Variants in TBC1D32 observed in about 807,000 individuals in gnomAD.
TBC1D32 encodes TBC1 domain family member 32.
Under a neutral mutation model 170.3 loss-of-function variants are expected in TBC1D32, and 151 were observed. That is an observed-to-expected ratio of 0.89 (90% CI 0.78 to 1.01). The LOEUF (loss-of-function observed/expected upper bound fraction) is 1.01, where lower values mean the gene tolerates loss of function less well. Among genes scored for constraint, TBC1D32 ranks in the 50% least tolerant of loss-of-function variants. TBC1D32 has a pLI of 0.00. For synonymous variants in TBC1D32, 498 were observed against 488.0 expected, an observed-to-expected ratio of 1.02 and a Z score of -0.27; for missense variants, 1,464 against 1,457.1, an observed-to-expected ratio of 1.00 and a Z score of -0.08.
Position 121,102,676 on chromosome 6 carries a change from T to C in TBC1D32, c.3465+3347A>G, listed in dbSNP as rs186684250. ...GGCAATACCATTCAGGACATAGGCA[T>C]GGGCAAGGACTTCATGACTAAGACA... is the stretch of plus-strand genomic sequence containing the variant. On this transcript the variant is annotated intron_variant, in intron 30 of 31. Coordinates refer to ENST00000398212, the MANE Select transcript of TBC1D32 (RefSeq NM_152730.6). Among the ~76,000 whole-genome samples, 231 of 152,208 alleles carry C rather than the reference T, an allele frequency of 1.5e-3. 1 individual carries two copies. The highest frequency in any genetic ancestry group is 5.4e-3 in the African/African-American group (224 of 41,532).
intron 31 of TBC1D32, among the ~76,000 whole-genome samples, chr6:121,089,832 A>G (rs1460381498): frequency 1.3e-5 from 2 of 152,176 alleles, no homozygotes; most frequent in East Asian, 1.9e-4. Flanking sequence ...ACCTAGAGAA[A>G]GCCTAGCAAA....
At chr6:121,313,715 G>A (rs1225266096) in intron 3 of TBC1D32, among the ~76,000 whole-genome samples, 4 of 152,206 alleles carry the variant, frequency 2.6e-5, no homozygotes, top group African/African-American at 9.6e-5. Context: ...ATCTTATCAA[G>A]TGAGGGTAGC....
chr6:121,290,559 G>A (rs373508614), intron 12 of TBC1D32, among the ~76,000 whole-genome samples: 3 of 152,014 alleles, frequency 2.0e-5, no homozygotes, highest in South Asian at 2.1e-4. Context: ...GTGGGACTGT[G>A]AACTAGTTCA....
At chr6:121,305,730 G>A (rs1410396455) in intron 5 of TBC1D32, among the ~76,000 whole-genome samples, 1 of 151,882 alleles carries the variant, frequency 6.6e-6, no homozygotes, top group African/African-American at 2.4e-5. Flanking sequence ...CAACCCTATA[G>A]GCTTCACTCA....
At chr6:121,288,690 G>A (rs926557387) in intron 12 of TBC1D32, among the ~76,000 whole-genome samples, 1 of 152,032 alleles carries the variant, frequency 6.6e-6, no homozygotes, top group Non-Finnish European at 1.5e-5. Flanking sequence ...GCCTGGCAGA[G>A]ACACAACAAA....
intron 21 of TBC1D32, among the ~76,000 whole-genome samples, chr6:121,208,033 TG>T (rs1222866636): frequency 6.6e-6 from 1 of 151,230 alleles, no homozygotes; most frequent in Admixed American, 6.6e-5. Context: ...TTTTTCAACA[TG>T]GAAAAGTAGA....
chr6:121,117,554 T>C (rs941553597), intron 26 of TBC1D32, among the ~76,000 whole-genome samples: 39 of 151,754 alleles, frequency 2.6e-4, no homozygotes, highest in African/African-American at 9.4e-4. Flanking sequence ...ATACAAAAAT[T>C]AGCCAGGCGT....
intron 17 of TBC1D32, among the ~76,000 whole-genome samples, chr6:121,252,766 C>G (rs1393612085): frequency 1.3e-5 from 2 of 152,010 alleles, no homozygotes; most frequent in Non-Finnish European, 2.9e-5. Flanking sequence ...GACATGTAGA[C>G]CAATGGAACA....
intron 23 of TBC1D32, among the ~76,000 whole-genome samples, chr6:121,160,488 C>G (rs1013130627): frequency 2.1e-5 from 3 of 145,298 alleles, no homozygotes; most frequent in African/African-American, 7.3e-5. Context: ...CCGAGAGTGA[C>G]AGTCAAAGCA....
At chr6:121,189,509 T>C (rs116559064) in intron 22 of TBC1D32, among the ~76,000 whole-genome samples, 2,084 of 150,882 alleles carry the variant, frequency 0.014, 42 homozygotes, top group African/African-American at 0.047. Context: ...TATATGTTTA[T>C]ATGTTATATC....
chr6:121,279,637 TC>T (rs1456637447), intron 14 of TBC1D32, among the ~76,000 whole-genome samples: 1 of 151,916 alleles, frequency 6.6e-6, no homozygotes, highest in Non-Finnish European at 1.5e-5. Flanking sequence ...CACACTGCCA[TC>T]CCTTCTAAGG....
intron 31 of TBC1D32, 100 bp from the exon 32 acceptor site, chr6:121,080,990 T>C: frequency 9.8e-6 from 14 of 1,421,838 alleles, no homozygotes; most frequent in Non-Finnish European, 1.2e-5. Context: ...TTTTCAGCTA[T>C]AGATGGGGTG....
chr6:121,310,036 A>AAT (rs962606735), intron 4 of TBC1D32, among the ~76,000 whole-genome samples: 115 of 151,032 alleles, frequency 7.6e-4, no homozygotes, highest in Middle Eastern at 3.5e-3. Context: ...CCCTATCTTA[A>AAT]ATATATATAT....
intron 22 of TBC1D32, among the ~76,000 whole-genome samples, chr6:121,170,133 C>CAT (rs1786749536): frequency 1.3e-5 from 2 of 151,550 alleles, no homozygotes; most frequent in Non-Finnish European, 3.0e-5. Context: ...TTATGTATTA[C>CAT]ATATATATAC....
Position 121,239,095 on chromosome 6 carries a change from T to C in TBC1D32, c.2339A>G (p.Asp780Gly). 6.3e-7 allele frequency: 1 copy of C among 1,597,908 alleles called. No homozygotes were observed. Among genetic ancestry groups the C allele is most frequent in the Non-Finnish European group, 8.6e-7 (1 of 1,168,496 alleles). Reference sequence around the variant, plus strand: ...CTTTTGACAGCTTCGGTCAATAGGATCCACTGGAGTAGTTCTGGGATGGGT... The same window carrying C: ...CTTTTGACAGCTTCGGTCAATAGGACCCACTGGAGTAGTTCTGGGATGGGT... ...RVTHPRTTPV[D>G]PIDRSCQKSF... The change falls in exon 20 of 32, where the codon GAT (aspartate) becomes GGT (glycine). Residue 780 changes from aspartate (D) to glycine (G), a missense_variant. Transcript: ENST00000398212.
rs535171048 is a variant in TBC1D32 at position 121,286,150 on chromosome 6, C to T, written c.1373-2240G>A. Among the ~76,000 whole-genome samples, 14 of 152,148 alleles carry T rather than the reference C, an allele frequency of 9.2e-5. No individual in the cohort carries two copies. The South Asian group carries it at 2.3e-3, about 25-fold the overall frequency. On this transcript the variant is annotated intron_variant, in intron 12 of 31. Coordinates refer to ENST00000398212, the MANE Select transcript of TBC1D32 (RefSeq NM_152730.6). ...AAAGCTGGATGGAGAATGACTTTGA[C>T]GAGTTGAGAGAGGAAGCCTTCAGAA... is the stretch of plus-strand genomic sequence containing the variant.
At chr6:121,193,668 G>GT (rs1343384410) in intron 22 of TBC1D32, among the ~76,000 whole-genome samples, 1 of 152,238 alleles carries the variant, frequency 6.6e-6, no homozygotes, top group East Asian at 1.9e-4. Context: ...AAACAGAACA[G>GT]TCTGACTCAT....
chr6:121,214,955 C>T (rs949285355), intron 21 of TBC1D32, among the ~76,000 whole-genome samples: 2 of 152,128 alleles, frequency 1.3e-5, no homozygotes, highest in African/African-American at 4.8e-5. Flanking sequence ...CTGCAGGCAC[C>T]AGCCTGCATG....
chr6:121,284,733 G>T (rs890015850), intron 12 of TBC1D32, among the ~76,000 whole-genome samples: 4 of 151,872 alleles, frequency 2.6e-5, no homozygotes, highest in African/African-American at 7.3e-5. Context: ...ATATCTGGTA[G>T]GCCAAAATGT....
Sources: gnomAD v4.1 joint callset for allele counts (sites outside exome capture counted in the v4.1 genomes callset) on GRCh38, gnomAD v4.1.1 for gene constraint, MANE v1.5 for transcripts, NCBI Gene and HGNC (gene_info 2026-07-23, HGNC 2026-07-21) for gene names.